PIEZO1: variants seen among roughly 807,000 people sequenced by gnomAD.
PIEZO1 encodes the protein piezo type mechanosensitive ion channel component 1 (Er blood group).
Under a neutral mutation model 297.2 loss-of-function variants are expected in PIEZO1, and 296 were observed. The observed-to-expected ratio is 1.00, with a 90% CI of 0.91 to 1.10. The LOEUF (loss-of-function observed/expected upper bound fraction) is 1.10, where lower values mean the gene tolerates loss of function less well. PIEZO1 is among the 50% of genes least tolerant of loss of function. PIEZO1 has a pLI of 0.00. For synonymous variants in PIEZO1, 2,427 were observed against 1,507.5 expected (o/e 1.61, Z -14.13); for missense variants, 5,018 against 3,455.5 (o/e 1.45, Z -11.34).
rs180789232 is a variant in PIEZO1, at chr16:88,736,660, C to T, written c.1275G>A (p.Val425=). 1.3e-6 allele frequency: 2 copies of T among 1,532,820 alleles called. No individual in the cohort carries two copies. The highest frequency in any genetic ancestry group is 1.7e-6 in the Non-Finnish European group (2 of 1,145,836). 95.0% of individuals were successfully genotyped at this position (1,532,820 alleles called of 1,614,324 possible). Reference sequence around the variant, plus strand: ...CTACCATCATGGCAATGAGCGCGCACACATAGCTCTGGTCCATGATGAGGT... The same window carrying T: ...CTACCATCATGGCAATGAGCGCGCATACATAGCTCTGGTCCATGATGAGGT... ...LGHLIMDQSY[V]CALIAMMVWS... The change falls in exon 11 of 51, where the codon GTG becomes GTA. Residue 425 remains valine (V), a synonymous_variant. Transcript: ENST00000301015.
chr16:88,717,763 A>G (rs1423061574), intron 44 of PIEZO1: 1 of 451,102 alleles, frequency 2.2e-6, no homozygotes, highest in South Asian at 1.6e-5. Context: ...TAGCAACCAG[A>G]GAATACAGAG....
rs772748505 is a variant in PIEZO1 at position 88,715,740 on chromosome 16, G to C, written c.7431C>G (p.Ile2477Met). The C allele has an allele frequency of 9.0e-6, 14 of 1,550,374 alleles. No homozygotes were observed. The highest frequency in any genetic ancestry group is 1.2e-5 in the Non-Finnish European group (14 of 1,147,008). ...MFEELPCVDRILKLCQDIFLV... is the reference protein window; with the variant it reads ...MFEELPCVDRMLKLCQDIFLV... ...GGAAGATGTCCTGGCAGAGCTTGAGGATGCGGTCCACGCACGGCAGCTCCT... is the reference window on the plus strand; with the variant it reads ...GGAAGATGTCCTGGCAGAGCTTGAGCATGCGGTCCACGCACGGCAGCTCCT... Residue 2477 changes from isoleucine (I) to methionine (M), a missense_variant, in exon 51 of 51, where the codon ATC (isoleucine) becomes ATG (methionine). Ile to Met is a conservative substitution (Grantham distance 10). Transcript: ENST00000301015.
intron 22 of PIEZO1, among the ~76,000 whole-genome samples, chr16:88,728,162 G>C (rs933150433): frequency 6.6e-6 from 1 of 152,266 alleles, no homozygotes; most frequent in Non-Finnish European, 1.5e-5. Flanking sequence ...CACCTGCTGG[G>C]AGTCCTGCTG....
chr16:88,723,137 G>A lies in PIEZO1; in HGVS notation c.4453C>T (p.Gln1485Ter), dbSNP rs1235747033. 6 of 1,549,096 alleles carry A rather than the reference G, an allele frequency of 3.9e-6. No homozygotes were observed. The Admixed American group carries it at 5.9e-5, about 15-fold the overall frequency. ...GQLPTGGGPS[Q>*]EVEPAEGPEE... ...GGGCCCTCTGCTGGCTCCACCTCCT[G>A]GCTGGGACCACCTCCTGGGCACAGG... The change falls in exon 33 of 51, where the codon CAG (glutamine) becomes TAG (stop). Residue 1485 changes from glutamine (Q) to a stop codon, truncating the protein, a stop_gained. Transcript: ENST00000301015. LOFTEE classifies it high-confidence loss of function.
In PIEZO1 at chr16:88,725,660, G is replaced by A. The variant is rs777032106; in HGVS notation, c.3993C>T (p.Ala1331=). The A allele has an allele frequency of 7.8e-6, 12 of 1,548,276 alleles. No individual in the cohort carries two copies. In the African/African-American group the frequency reaches 1.1e-4, roughly 14 times the overall value. The change falls in exon 28 of 51, where the codon GCC becomes GCT. Residue 1331 remains alanine, a synonymous_variant. Coordinates refer to ENST00000301015, the MANE Select transcript of PIEZO1 (RefSeq NM_001142864.4). ...GGTGAAAGTCAATGCTCTTGAGGTT[G>A]GCAGCGTTGTAGAGGGCGAAGCCCC... is the stretch of plus-strand genomic sequence containing the variant. ...ASRGFALYNA[A]NLKSIDFHRR...
rs754459980 is a variant in PIEZO1, at chr16:88,737,545, T to C, written c.1195+14A>G. 26 of 1,510,814 alleles carry C rather than the reference T, an allele frequency of 1.7e-5. No homozygotes were observed. The African/African-American group carries it at 2.1e-4, about 12-fold the overall frequency. The allele number at this position is 1,510,814 out of a possible 1,614,324, so 93.6% of individuals were successfully genotyped here. A position where few individuals can be genotyped will look rare whatever the true frequency, so the allele number is the denominator to read the frequency against. On this transcript the variant is annotated intron_variant, in intron 10 of 50. Transcript: ENST00000301015. Reference sequence around the variant, plus strand: ...CCCCGCACCCAGCCATACCTTGCAGTGTGCGGTACTCACCAGGCCGCCGCA... The same window carrying C: ...CCCCGCACCCAGCCATACCTTGCAGCGTGCGGTACTCACCAGGCCGCCGCA...
At chr16:88,782,685 C>G (rs928462406) in intron 1 of PIEZO1, among the ~76,000 whole-genome samples, 2 of 152,240 alleles carry the variant, frequency 1.3e-5, no homozygotes, top group Non-Finnish European at 2.9e-5. Context: ...CACGGTAGAA[C>G]TGCTTCCAGC....
intron 1 of PIEZO1, among the ~76,000 whole-genome samples, chr16:88,750,782 G>T (rs1270734340): frequency 6.6e-6 from 1 of 152,192 alleles, no homozygotes; most frequent in Non-Finnish European, 1.5e-5. Context: ...CTACCAGGGA[G>T]GACACTGGGA....
rs1449095173 is a variant in PIEZO1 at position 88,715,927 on chromosome 16, A to C, written c.7316+6T>G. The C allele has an allele frequency of 1.3e-6, 2 of 1,547,422 alleles. No individual in the cohort carries two copies. Among genetic ancestry groups the C allele is most frequent in the Admixed American group, 2.0e-5 (1 of 50,900 alleles). On this transcript the variant is annotated splice_donor_region_variant and intron_variant, in intron 50 of 50. Transcript: ENST00000301015. ...CTGCGGGGTGCCCCCCCAGCCACTC[A>C]CTCACCCGTAGCCAGCCAGGAAGCC...
rs538417281 is a variant in PIEZO1 at position 88,715,351 on chromosome 16, T to G, written c.*254A>C. The G allele has an allele frequency of 1.2e-3, 1,505 of 1,273,094 alleles. 2 individuals carry two copies. Among genetic ancestry groups the G allele is most frequent in the Non-Finnish European group, 1.5e-3 (1,432 of 929,288 alleles). 78.9% of individuals were successfully genotyped at this position (1,273,094 alleles called of 1,614,324 possible). A position where few individuals can be genotyped will look rare whatever the true frequency, so the allele number is the denominator to read the frequency against. On this transcript the variant is annotated 3_prime_UTR_variant, in exon 51 of 51. Transcript: ENST00000301015. Reference sequence around the variant, plus strand: ...GGGGGACTGGCCTCTGATTGTCCATTTGTATAAATAAAACATTTTTTAATT... The same window carrying G: ...GGGGGACTGGCCTCTGATTGTCCATGTGTATAAATAAAACATTTTTTAATT...
intron 31 of PIEZO1, 92 bp from the exon 32 acceptor site, chr16:88,723,420 G>C (rs1904298717): frequency 7.0e-7 from 1 of 1,418,648 alleles, no homozygotes; most frequent in African/African-American, 1.4e-5. Context: ...GCCAGATCCA[G>C]ATCCCTGCTC....
In PIEZO1 at chr16:88,738,710, G is replaced by A. The variant is rs1011052543; in HGVS notation, c.492C>T (p.Ala164=). ...CTTCCTGCAGCCCTGCCGTCGGGCT[G>A]GCATCCACATCCCTCTCATCATCAT... The part of the protein sequence containing the change: ...ELDDDERDVD[A]SPTAGLQEAA... Residue 164 remains alanine, a synonymous_variant, in exon 6 of 51, where the codon GCC becomes GCT. Transcript: ENST00000301015. 2.6e-6 allele frequency: 4 copies of A among 1,533,400 alleles called. No homozygotes were observed. Among genetic ancestry groups the A allele is most frequent in the East Asian group, 2.4e-5 (1 of 40,846 alleles). 95.0% of individuals were successfully genotyped at this position (1,533,400 alleles called of 1,614,324 possible). A position where few individuals can be genotyped will look rare whatever the true frequency, so the allele number is the denominator to read the frequency against.
intron 1 of PIEZO1, among the ~76,000 whole-genome samples, chr16:88,775,867 C>A (rs1813674767): frequency 6.6e-6 from 1 of 152,104 alleles, no homozygotes; most frequent in Non-Finnish European, 1.5e-5. Flanking sequence ...ATTGTTTAAA[C>A]AGCTGGGAGA....
rs765053602 is a variant in PIEZO1, at chr16:88,716,508, C to G, written c.6927-25G>C. On this transcript the variant is annotated intron_variant, in intron 47 of 50. Transcript: ENST00000301015. ...CCTGGGGGTGGGAACACAGCGTGAC[C>G]CACTGTAGTGGGTCCACCCACCCAG... is the stretch of plus-strand genomic sequence containing the variant. 2.6e-6 allele frequency: 4 copies of G among 1,539,962 alleles called. No homozygotes were observed. In the African/African-American group the frequency reaches 5.5e-5, roughly 21 times the overall value.
At chr16:88,769,351 A>G (rs1038018521) in intron 1 of PIEZO1, among the ~76,000 whole-genome samples, 4 of 152,190 alleles carry the variant, frequency 2.6e-5, no homozygotes, top group African/African-American at 9.7e-5. Flanking sequence ...CCACGCCCAG[A>G]GCATACTTTC....
intron 2 of PIEZO1, chr16:88,743,099 C>A (rs1905800400): frequency 2.2e-6 from 1 of 456,486 alleles, no homozygotes; most frequent in African/African-American, 2.0e-5. Flanking sequence ...GCAGCACCAT[C>A]TGGTTGCCTG....
At chr16:88,764,202 T>A (rs1192257966) in intron 1 of PIEZO1, among the ~76,000 whole-genome samples, 2 of 152,220 alleles carry the variant, frequency 1.3e-5, no homozygotes, top group African/African-American at 4.8e-5. Context: ...CGAAAGGGGA[T>A]GTGCCTTGAG....
At chr16:88,718,737 C>G (rs533107964) in intron 44 of PIEZO1, 189 of 152,140 alleles carry the variant, frequency 1.2e-3, no homozygotes, top group Non-Finnish European at 1.1e-3. Context: ...GAGACAGGGT[C>G]TCACTCTGTT....
intron 1 of PIEZO1, among the ~76,000 whole-genome samples, chr16:88,766,438 G>A (rs1907184533): frequency 6.6e-6 from 1 of 152,212 alleles, no homozygotes; most frequent in Admixed American, 6.5e-5. Context: ...CCATTTCACA[G>A]GTAGAGAGAC....
Sources: gnomAD v4.1 joint callset for allele counts (sites outside exome capture counted in the v4.1 genomes callset) on GRCh38, gnomAD v4.1.1 for gene constraint, MANE v1.5 for transcripts, NCBI Gene and HGNC (gene_info 2026-07-23, HGNC 2026-07-21) for gene names.